MATN2: variants seen among roughly 807,000 people sequenced by gnomAD.
MATN2 encodes the protein matrilin 2.
MATN2 carries 69 observed loss-of-function variants against 103.2 expected under a neutral mutation model. That is an observed-to-expected ratio of 0.67 (90% CI 0.55 to 0.82). The LOEUF (loss-of-function observed/expected upper bound fraction) is 0.82, where lower values mean the gene tolerates loss of function less well. MATN2 is among the 40% of genes least tolerant of loss of function. The pLI is 0.00. For missense variants in MATN2, 1,023 were observed against 1,211.5 expected, an observed-to-expected ratio of 0.84 and a Z score of 2.31; for synonymous variants, 429 against 450.2, an observed-to-expected ratio of 0.95 and a Z score of 0.60.
Position 98,005,895 on chromosome 8 carries a change from T to C in MATN2, c.1328-1210T>C, listed in dbSNP as rs1483746018. 6.6e-6 allele frequency among the ~76,000 whole-genome samples: 1 copy of C among 152,218 alleles called. No individual in the cohort carries two copies. The highest frequency in any genetic ancestry group is 1.9e-4 in the East Asian group (1 of 5,198). Reference sequence around the variant, plus strand: ...ACACTAGGATGTGAACACAGGCATGTAGCTCCCAAGATCCAGCAAGTGTTC... The same window carrying C: ...ACACTAGGATGTGAACACAGGCATGCAGCTCCCAAGATCCAGCAAGTGTTC... On this transcript the variant is annotated intron_variant, in intron 8 of 18. Transcript: ENST00000254898. The surrounding 1 kb of genome is among the most constrained non-coding windows in gnomAD (Gnocchi z 4.6).
chr8:97,980,429 C>T (rs1016306720), intron 6 of MATN2, among the ~76,000 whole-genome samples: 2 of 152,054 alleles, frequency 1.3e-5, no homozygotes, highest in African/African-American at 2.4e-5. Context: ...CTGCCAGCAG[C>T]GGGCCTTGGT....
rs1425749805 is a variant in MATN2 at position 97,873,639 on chromosome 8, T to A, written c.-27+4352T>A. 3.3e-5 allele frequency among the ~76,000 whole-genome samples: 5 copies of A among 152,162 alleles called. No individual in the cohort carries two copies. The East Asian group carries it at 7.7e-4, about 23-fold the overall frequency. On this transcript the variant is annotated intron_variant, in intron 1 of 18. Transcript: ENST00000254898. ...GCCACCATGCTTGGCTGTTTTCACATGTCTTAAAGACCAAAAGCTCAAGAC... is the reference window on the plus strand; with the variant it reads ...GCCACCATGCTTGGCTGTTTTCACAAGTCTTAAAGACCAAAAGCTCAAGAC...
intron 16 of MATN2, 76 bp from the exon 17 acceptor site, chr8:98,032,966 A>G (rs1814096165): frequency 7.0e-7 from 1 of 1,429,542 alleles, no homozygotes; most frequent in East Asian, 2.4e-5. Flanking sequence ...AATACCAAGT[A>G]CCTTACTCTG....
chr8:97,978,998 A>G lies in MATN2; in HGVS notation c.1071A>G (p.Lys357=), dbSNP rs1811937358. 3.1e-6 allele frequency: 5 copies of G among 1,610,968 alleles called. No homozygotes were observed. Among genetic ancestry groups the G allele is most frequent in the Non-Finnish European group, 4.2e-6 (5 of 1,178,704 alleles). The stretch of plus-strand genomic sequence containing the variant: ...GATTTGCTCTTAACCCAGATAAAAA[A>G]ACGTGCACAAGTAAGTTACACACAC... The part of the protein sequence containing the change: ...HEGFALNPDK[K]TCTKIDYCAS... Residue 357 remains lysine (K), a synonymous_variant, in exon 6 of 19, where the codon AAA becomes AAG. Transcript: ENST00000254898.
intron 1 of MATN2, among the ~76,000 whole-genome samples, chr8:97,884,711 C>T (rs1818369262): frequency 6.6e-6 from 1 of 152,090 alleles, no homozygotes; most frequent in Non-Finnish European, 1.5e-5. Flanking sequence ...GCAGAGGTTG[C>T]AGTGAGCCAA....
intron 4 of MATN2, among the ~76,000 whole-genome samples, chr8:97,949,231 G>A (rs1010049315): frequency 1.3e-5 from 2 of 150,154 alleles, no homozygotes; most frequent in Non-Finnish European, 1.5e-5. Flanking sequence ...GTGCAGTGGC[G>A]TGATCTCAGC....
At chr8:97,906,638 A>G (rs573209797) in intron 2 of MATN2, among the ~76,000 whole-genome samples, 1 of 152,342 alleles carries the variant, frequency 6.6e-6, no homozygotes, top group East Asian at 1.9e-4. Flanking sequence ...TAGAACTACC[A>G]TGCACCACCA....
intron 3 of MATN2, among the ~76,000 whole-genome samples, chr8:97,935,090 T>C (rs1810327461): frequency 6.7e-6 from 1 of 150,108 alleles, no homozygotes; most frequent in African/African-American, 2.4e-5. Flanking sequence ...TATCATTATC[T>C]TTTTTTTTTC....
rs75409629 is a variant in MATN2 at position 97,968,954 on chromosome 8, G to T, written c.958+7424G>T. ...GTACCTGAGACTGGGTAATTTATTTGAAAAAGAAAGAGTTTAATTGGCTCA... is the reference window on the plus strand; with the variant it reads ...GTACCTGAGACTGGGTAATTTATTTTAAAAAGAAAGAGTTTAATTGGCTCA... On this transcript the variant is annotated intron_variant, in intron 5 of 18. Coordinates refer to ENST00000254898, the MANE Select transcript of MATN2 (RefSeq NM_002380.5). 9.1e-3 allele frequency among the ~76,000 whole-genome samples: 1,389 copies of T among 152,310 alleles called. 24 individuals are homozygous for T. The highest frequency in any genetic ancestry group is 0.029 in the African/African-American group (1,210 of 41,562).
At chr8:97,961,029 G>A (rs1052133029) in intron 4 of MATN2, among the ~76,000 whole-genome samples, 32 of 152,040 alleles carry the variant, frequency 2.1e-4, no homozygotes. Flanking sequence ...TGGCCAGGCT[G>A]GTCTCCAACT....
Position 98,027,282 on chromosome 8 carries a change from T to C in MATN2, c.1943-134T>C, listed in dbSNP as rs1813840712. ...TGTGGCCCTCCCAACAACTCATCTA[T>C]CCTGTGTATTATCTAAAGAACAAAA... On this transcript the variant is annotated intron_variant, in intron 13 of 18. Coordinates refer to ENST00000254898, the MANE Select transcript of MATN2 (RefSeq NM_002380.5). 4 of 666,852 alleles carry C rather than the reference T, an allele frequency of 6.0e-6. No homozygotes were observed. In the South Asian group the frequency reaches 8.7e-5, roughly 14 times the overall value. The allele number at this position is 666,852 out of a possible 1,614,324, so 41.3% of individuals were successfully genotyped here. A position where few individuals can be genotyped will look rare whatever the true frequency, so the allele number is the denominator to read the frequency against.
chr8:97,983,145 T>A (rs1812081346), intron 6 of MATN2, among the ~76,000 whole-genome samples: 1 of 152,250 alleles, frequency 6.6e-6, no homozygotes, highest in South Asian at 2.1e-4. Flanking sequence ...ATTTGTCCTT[T>A]GCCGTCTAAC....
intron 6 of MATN2, among the ~76,000 whole-genome samples, chr8:97,985,750 T>C (rs1285719453): frequency 2.0e-5 from 3 of 152,222 alleles, no homozygotes; most frequent in Non-Finnish European, 1.5e-5. Context: ...GTTTTGCTTT[T>C]TGAGATGGGT....
chr8:97,942,688 A>G (rs897688344), intron 4 of MATN2, among the ~76,000 whole-genome samples: 24 of 152,240 alleles, frequency 1.6e-4, no homozygotes, highest in African/African-American at 5.8e-4. Flanking sequence ...CGTGCAGTGC[A>G]TAACTGTTGC....
chr8:97,900,646 T>C (rs1465088468), intron 2 of MATN2, among the ~76,000 whole-genome samples: 1 of 152,106 alleles, frequency 6.6e-6, no homozygotes, highest in Non-Finnish European at 1.5e-5. Flanking sequence ...AAAGATATAC[T>C]GAGAACCAGC....
chr8:97,940,395 T>C (rs893065372), intron 3 of MATN2, among the ~76,000 whole-genome samples: 1 of 152,186 alleles, frequency 6.6e-6, no homozygotes, highest in Admixed American at 6.5e-5. Flanking sequence ...ACTGATTGGA[T>C]CTACAAACTT....
chr8:98,031,121 G>A (rs924979124), intron 15 of MATN2, among the ~76,000 whole-genome samples: 1 of 152,006 alleles, frequency 6.6e-6, no homozygotes, highest in East Asian at 1.9e-4. Context: ...AGGATTGCTC[G>A]AGCCCAGGAG....
chr8:98,022,380 T>C (rs201630831), intron 13 of MATN2, among the ~76,000 whole-genome samples: 7 of 141,576 alleles, frequency 4.9e-5, no homozygotes, highest in East Asian at 2.1e-4. Flanking sequence ...CACACACACA[T>C]ACACACACCC....
intron 1 of MATN2, among the ~76,000 whole-genome samples, chr8:97,878,138 T>A (rs1818136302): frequency 6.6e-6 from 1 of 152,252 alleles, no homozygotes; most frequent in East Asian, 1.9e-4. Flanking sequence ...CACATTATTT[T>A]ATAACTTAAA....
Sources: allele counts gnomAD v4.1 joint callset (sites outside exome capture counted in the v4.1 genomes callset), GRCh38; gene constraint gnomAD v4.1.1; non-coding constraint Gnocchi (gnomAD v3.1); transcripts MANE v1.5; gene names NCBI Gene and HGNC (gene_info 2026-07-23, HGNC 2026-07-21).